The following CLYBL variants were observed in gnomAD, a reference collection of about 807,000 sequenced individuals.
CLYBL encodes the protein citramalyl-CoA lyase.
CLYBL carries 31 observed loss-of-function variants against 38.9 expected under a neutral mutation model. The ratio of observed to expected loss-of-function variants is 0.80; its 90% CI spans 0.60 to 1.08. The LOEUF (loss-of-function observed/expected upper bound fraction) is 1.08, where lower values mean the gene tolerates loss of function less well. Ranked by LOEUF, CLYBL falls within the 50% of genes least tolerant of loss-of-function variation. CLYBL has a pLI of 0.00. For missense variants in CLYBL, 434 were observed against 411.6 expected (o/e 1.05, Z -0.47); for synonymous variants, 171 against 158.6 (o/e 1.08, Z -0.59).
At chr13:99,822,676 T>G (rs913716493) in intron 2 of CLYBL, among the ~76,000 whole-genome samples, 1 of 152,184 alleles carries the variant, frequency 6.6e-6, no homozygotes, top group Non-Finnish European at 1.5e-5. Flanking sequence ...GCTCAGAGAG[T>G]GATCACAGCT....
At chr13:99,842,107 C>T (rs377027234) in intron 2 of CLYBL, among the ~76,000 whole-genome samples, 1 of 152,130 alleles carries the variant, frequency 6.6e-6, no homozygotes, top group African/African-American at 2.4e-5. Flanking sequence ...CGTGAGCCAC[C>T]GTGCCCAGCT....
intron 1 of CLYBL, chr13:99,726,450 G>A (rs1016042884): frequency 6.6e-6 from 1 of 152,096 alleles, no homozygotes; most frequent in Non-Finnish European, 1.5e-5. Flanking sequence ...GATTACTCGG[G>A]CCTTCCCCTA....
chr13:99,642,406 A>G (rs1954303602), intron 1 of CLYBL, among the ~76,000 whole-genome samples: 1 of 140,348 alleles, frequency 7.1e-6, no homozygotes, highest in Admixed American at 7.2e-5. Context: ...ATTTTTTATG[A>G]TTATTGTTAT....
intron 3 of CLYBL, 30 bp downstream of exon 3, chr13:99,859,079 C>T (rs1412511429): frequency 7.0e-6 from 11 of 1,574,610 alleles, no homozygotes; most frequent in African/African-American, 1.4e-5. Flanking sequence ...CCTTAAGACT[C>T]AGGAGCAGCT....
At chr13:99,747,885 T>TA (rs1293095281) in intron 1 of CLYBL, among the ~76,000 whole-genome samples, 2 of 152,354 alleles carry the variant, frequency 1.3e-5, no homozygotes, top group East Asian at 3.9e-4. Context: ...TATGAAATGA[T>TA]AGCATGGATG....
chr13:99,751,562 A>G (rs181735751), intron 1 of CLYBL, among the ~76,000 whole-genome samples: 1 of 152,338 alleles, frequency 6.6e-6, no homozygotes, highest in Admixed American at 6.5e-5. Flanking sequence ...ACCAGTCACA[A>G]AAGGACAAAT....
intron 2 of CLYBL, among the ~76,000 whole-genome samples, chr13:99,824,257 G>GCCCCCCCCCCCCCCCCCCCC (rs57450534): frequency 5.4e-5 from 7 of 130,404 alleles, no homozygotes; most frequent in South Asian, 2.7e-4. Flanking sequence ...CTGACTAATA[G>GCCCCCCCCCCCCCCCCCCCC]CCCCCCCCAC....
chr13:99,792,387 G>A (rs1272587121), intron 2 of CLYBL, among the ~76,000 whole-genome samples: 1 of 152,148 alleles, frequency 6.6e-6, no homozygotes, highest in Non-Finnish European at 1.5e-5. Context: ...AGTAGAGGGG[G>A]CAGGGGAAGC....
chr13:99,882,778 T>C (rs544453581), intron 7 of CLYBL, among the ~76,000 whole-genome samples: 5 of 152,332 alleles, frequency 3.3e-5, no homozygotes, highest in Admixed American at 1.3e-4. Context: ...GTTTGGAAAC[T>C]AATATTCCAG....
intron 1 of CLYBL, among the ~76,000 whole-genome samples, chr13:99,763,743 C>G (rs1306273108): frequency 6.6e-6 from 1 of 151,712 alleles, no homozygotes; most frequent in Non-Finnish European, 1.5e-5. Flanking sequence ...TCAGTAGAGA[C>G]GGAGTTTCAT....
chr13:99,773,145 G>T, intron 2 of CLYBL, 135 bp downstream of exon 2: 1 of 720,134 alleles, frequency 1.4e-6, no homozygotes, highest in South Asian at 1.8e-5. Flanking sequence ...TCTTTGATCT[G>T]CTTTTATATA....
At chr13:99,679,744 A>G (rs2047707429) in intron 1 of CLYBL, among the ~76,000 whole-genome samples, 2 of 151,614 alleles carry the variant, frequency 1.3e-5, no homozygotes, top group South Asian at 2.1e-4. Flanking sequence ...GTGGGGGGGG[A>G]AATGTCTGGT....
At chr13:99,683,421 A>G (rs2047767606) in intron 1 of CLYBL, among the ~76,000 whole-genome samples, 2 of 152,190 alleles carry the variant, frequency 1.3e-5, no homozygotes, top group South Asian at 2.1e-4. Flanking sequence ...ACTCTTTTAT[A>G]GTAACAGTAA....
intron 7 of CLYBL, among the ~76,000 whole-genome samples, chr13:99,881,995 C>T (rs1344838969): frequency 1.3e-5 from 2 of 152,062 alleles, no homozygotes; most frequent in South Asian, 2.1e-4. Context: ...TGCAGTTTCA[C>T]GTATTTGCTT....
chr13:99,714,353 A>C (rs1264089195), intron 1 of CLYBL, among the ~76,000 whole-genome samples: 3 of 152,252 alleles, frequency 2.0e-5, no homozygotes, highest in Non-Finnish European at 4.4e-5. Flanking sequence ...GTGGTGGCTC[A>C]CGCCTGTAAT....
intron 2 of CLYBL, among the ~76,000 whole-genome samples, chr13:99,774,054 A>T (rs1230049502): frequency 6.9e-6 from 1 of 143,898 alleles, no homozygotes; most frequent in East Asian, 2.0e-4. Flanking sequence ...ACATAGCAAA[A>T]CCCCATTTCT....
chr13:99,750,762 A>T (rs115319819), intron 1 of CLYBL, among the ~76,000 whole-genome samples: 1 of 152,044 alleles, frequency 6.6e-6, no homozygotes, highest in African/African-American at 2.4e-5. Context: ...GTTTAAGAAC[A>T]TATAAGAACT....
At chr13:99,844,438 A>G (rs953157384) in intron 2 of CLYBL, among the ~76,000 whole-genome samples, 3 of 152,204 alleles carry the variant, frequency 2.0e-5, no homozygotes, top group African/African-American at 7.2e-5. Context: ...GGTGATTTTG[A>G]ACGTTGGAAC....
At chr13:99,696,781 C>CCAAAA (rs60889786) in intron 1 of CLYBL, among the ~76,000 whole-genome samples, 15 of 149,966 alleles carry the variant, frequency 1.0e-4, no homozygotes, top group Admixed American at 1.3e-4. Flanking sequence ...CCCATCTCTA[C>CCAAAA]CAAAACAAAA....
Sources: allele counts gnomAD v4.1 joint callset (sites outside exome capture counted in the v4.1 genomes callset), GRCh38; gene constraint gnomAD v4.1.1; transcripts MANE v1.5; gene names NCBI Gene and HGNC (gene_info 2026-07-23, HGNC 2026-07-21).